Variants in UAP1 observed in about 807,000 individuals in gnomAD.
UAP1 encodes UDP-N-acetylhexosamine pyrophosphorylase.
In UAP1, 25 loss-of-function variants were observed where a neutral mutation model predicts 58.5. The observed-to-expected ratio is 0.43, with a 90% confidence interval of 0.31 to 0.60. The LOEUF (loss-of-function observed/expected upper bound fraction) is 0.60. Ranked by LOEUF, UAP1 falls within the 20% of genes least tolerant of loss-of-function variation. The pLI, the probability that UAP1 is intolerant of heterozygous loss-of-function variation, is 0.11. For synonymous variants in UAP1, 208 were observed against 213.0 expected (o/e 0.98, Z 0.21); for missense variants, 575 against 630.0 (o/e 0.91, Z 0.93).
exon 3 of UAP1, chr1:162,576,906 A>G: frequency 1.2e-6 from 2 of 1,614,188 alleles, no homozygotes; most frequent in Non-Finnish European, 1.7e-6. Context: ...ACACTTTTTC[A>G]GATTCAAGCA....
At chr1:162,580,530 A>G (rs752570553) in intron 4 of UAP1, among the ~76,000 whole-genome samples, 1 of 152,240 alleles carries the variant, frequency 6.6e-6, no homozygotes, top group Non-Finnish European at 1.5e-5. Flanking sequence ...CTATAAAAAT[A>G]GACCTACTGA....
At chr1:162,580,412 C>A (rs979507195) in intron 4 of UAP1, among the ~76,000 whole-genome samples, 3 of 152,202 alleles carry the variant, frequency 2.0e-5, no homozygotes, top group Non-Finnish European at 4.4e-5. Context: ...CTGCTTTGCA[C>A]AATTCCAGGT....
intron 2 of UAP1, among the ~76,000 whole-genome samples, chr1:162,567,091 C>T (rs2101732332): frequency 6.6e-6 from 1 of 152,328 alleles, no homozygotes; most frequent in South Asian, 2.1e-4. Flanking sequence ...TGCCCTTTCT[C>T]TACCTAGCTA....
At chr1:162,594,371 C>G (rs1655501783) in intron 9 of UAP1, among the ~76,000 whole-genome samples, 1 of 152,150 alleles carries the variant, frequency 6.6e-6, no homozygotes, top group African/African-American at 2.4e-5. Context: ...GGAGGTGGAG[C>G]TCAGGCAGTA....
chr1:162,564,427 T>G (rs917703214), intron 1 of UAP1, among the ~76,000 whole-genome samples: 2 of 152,218 alleles, frequency 1.3e-5, no homozygotes, highest in African/African-American at 2.4e-5. Flanking sequence ...GAAGAGAAGA[T>G]AAGTGTCTTT....
chr1:162,573,215 G>A (rs1224898061), intron 2 of UAP1, among the ~76,000 whole-genome samples: 7 of 152,092 alleles, frequency 4.6e-5, no homozygotes, highest in South Asian at 2.1e-4. Flanking sequence ...TTTGGAGAAT[G>A]TTGGCTCTTC....
chr1:162,600,214 G>A (rs1388031074), downstream of UAP1, among the ~76,000 whole-genome samples: 2 of 152,170 alleles, frequency 1.3e-5, no homozygotes, highest in African/African-American at 2.4e-5. Flanking sequence ...TGGTGTCAAG[G>A]TCGAGAAGCC....
Position 162,576,992 on chromosome 1 carries a change from T to A in UAP1, c.485+11T>A. 3.1e-6 allele frequency: 5 copies of A among 1,611,926 alleles called. No homozygotes were observed. Among genetic ancestry groups the A allele is most frequent in the Non-Finnish European group, 4.2e-6 (5 of 1,178,022 alleles). On this transcript the variant is annotated intron_variant, in intron 3 of 10. Transcript: ENST00000271469. ...ATGCATTATTCCATGGTAAGATACG[T>A]CTCATTATTGGAGTGTGTCTGAACA...
intron 1 of UAP1, among the ~76,000 whole-genome samples, chr1:162,562,161 C>T (rs937475363): frequency 2.7e-5 from 4 of 149,840 alleles, no homozygotes; most frequent in Non-Finnish European, 3.0e-5. Context: ...GGGGCCTCTC[C>T]CGGGTGGGCA....
chr1:162,570,528 C>T (rs1653797733), intron 2 of UAP1, among the ~76,000 whole-genome samples: 1 of 151,980 alleles, frequency 6.6e-6, no homozygotes, highest in African/African-American at 2.4e-5. Context: ...TATTTTTATC[C>T]TCATATAGTT....
chr1:162,569,036 T>C (rs1653700191), intron 2 of UAP1, among the ~76,000 whole-genome samples: 1 of 152,226 alleles, frequency 6.6e-6, no homozygotes. Flanking sequence ...AGGAAAGATA[T>C]TTATCTGTAG....
chr1:162,588,772 CCAGA>C lies in UAP1; in HGVS notation c.1111_1114del (p.Asp371AsnfsTer5). On this transcript the variant is annotated frameshift_variant, in exon 7 of 11. Coordinates refer to ENST00000271469, the Ensembl canonical transcript of UAP1. LOFTEE classifies it high-confidence loss of function. The stretch of plus-strand genomic sequence containing the variant: ...GGATACCCAAGGACAGTTAATTAAG[CCAGA>C]CAAACCCAATGGAATAAAGATGGAA... 1 of 1,611,892 alleles carries C rather than the reference CCAGA, an allele frequency of 6.2e-7. No individual in the cohort carries two copies.
At chr1:162,591,992 A>G (rs1439201402) in intron 8 of UAP1, among the ~76,000 whole-genome samples, 3 of 152,148 alleles carry the variant, frequency 2.0e-5, no homozygotes, top group African/African-American at 7.2e-5. Flanking sequence ...GGCACCTAGA[A>G]TTTCCCTTTC....
At chr1:162,575,108 G>C (rs1654092056) in intron 2 of UAP1, among the ~76,000 whole-genome samples, 1 of 152,126 alleles carries the variant, frequency 6.6e-6, no homozygotes, top group Admixed American at 6.5e-5. Flanking sequence ...CCGCTGTGTT[G>C]CCCAGGCTAG....
chr1:162,596,996 C>T (rs549990730), intron 9 of UAP1, among the ~76,000 whole-genome samples: 19 of 152,322 alleles, frequency 1.2e-4, no homozygotes, highest in African/African-American at 4.3e-4. Flanking sequence ...TTTGACCTTG[C>T]CTTCGCTTGA....
chr1:162,581,932 A>G (rs1371046405), intron 5 of UAP1, among the ~76,000 whole-genome samples: 3 of 152,206 alleles, frequency 2.0e-5, no homozygotes, highest in Non-Finnish European at 4.4e-5. Context: ...AAAGAGGTGA[A>G]TAACTGCTTG....
chr1:162,585,242 A>G (rs1654831659), intron 5 of UAP1, among the ~76,000 whole-genome samples: 1 of 147,782 alleles, frequency 6.8e-6, no homozygotes, highest in Non-Finnish European at 1.5e-5. Context: ...ACACCTTTTA[A>G]GTTTATACTG....
intron 8 of UAP1, 89 bp from the exon 9 acceptor site, chr1:162,592,643 C>G: frequency 3.2e-6 from 3 of 949,576 alleles, no homozygotes; most frequent in Non-Finnish European, 5.0e-6. Flanking sequence ...AAATACATAC[C>G]ATTCAATCAA....
intron 2 of UAP1, among the ~76,000 whole-genome samples, chr1:162,568,429 C>G (rs1335294136): frequency 2.6e-5 from 4 of 152,166 alleles, no homozygotes; most frequent in Non-Finnish European, 5.9e-5. Context: ...AGTAGTTCTG[C>G]CTTTTTCTGT....
Sources: gnomAD v4.1 joint callset for allele counts (sites outside exome capture counted in the v4.1 genomes callset) on GRCh38, gnomAD v4.1.1 for gene constraint, MANE v1.5 for transcripts, NCBI Gene and HGNC (gene_info 2026-07-23, HGNC 2026-07-21) for gene names.